Variants in ZCCHC14 observed in about 807,000 individuals in gnomAD.
ZCCHC14 encodes the protein zinc finger CCHC-type containing 14, also known as zinc finger CCHC domain-containing protein 14.
In ZCCHC14, 16 loss-of-function variants were observed where a neutral mutation model predicts 85.0. The ratio of observed to expected loss-of-function variants is 0.19; its 90% CI spans 0.13 to 0.29. The LOEUF (loss-of-function observed/expected upper bound fraction) is 0.29, where lower values mean the gene tolerates loss of function less well. ZCCHC14 is among the 10% of genes least tolerant of loss of function. ZCCHC14 has a pLI of 1.00. For missense variants in ZCCHC14, 1,303 were observed against 1,443.5 expected, an observed-to-expected ratio of 0.90 and a Z score of 1.58; for synonymous variants, 775 against 630.7, an observed-to-expected ratio of 1.23 and a Z score of -3.43.
In ZCCHC14 at chr16:87,415,210, C is replaced by T. The variant is rs1158643638; in HGVS notation, c.1475+66G>A. 2.1e-6 allele frequency: 3 copies of T among 1,455,870 alleles called. No individual in the cohort carries two copies. In the Admixed American group the frequency reaches 5.1e-5, roughly 25 times the overall value. The allele number at this position is 1,455,870 out of a possible 1,614,324, so 90.2% of individuals were successfully genotyped here. The stretch of plus-strand genomic sequence containing the variant: ...CACTAGTATTTAGCACTGGAAGCCT[C>T]AGCACTCCATTCGGCACACGAGAAA... On this transcript the variant is annotated intron_variant, in intron 9 of 12. Coordinates refer to ENST00000671377, the MANE Select transcript of ZCCHC14 (RefSeq NM_015144.3).
chr16:87,482,732 G>A (rs1283156829), intron 1 of ZCCHC14, among the ~76,000 whole-genome samples: 2 of 152,180 alleles, frequency 1.3e-5, no homozygotes, highest in East Asian at 3.9e-4. Context: ...GATCTGGGAG[G>A]GAGAGCAGAG....
intron 2 of ZCCHC14, among the ~76,000 whole-genome samples, chr16:87,449,715 G>C (rs1910605033): frequency 6.6e-6 from 1 of 152,144 alleles, no homozygotes; most frequent in African/African-American, 2.4e-5. Context: ...ACAGTAAAGG[G>C]AATATTATTT....
At chr16:87,416,021 G>A (rs921805865) in intron 8 of ZCCHC14, among the ~76,000 whole-genome samples, 3 of 152,080 alleles carry the variant, frequency 2.0e-5, no homozygotes, top group Admixed American at 6.5e-5. Context: ...CCACCTCCCG[G>A]GTTCAAGTAA....
intron 2 of ZCCHC14, among the ~76,000 whole-genome samples, chr16:87,444,538 A>G (rs1910340305): frequency 6.6e-6 from 1 of 152,250 alleles, no homozygotes; most frequent in Non-Finnish European, 1.5e-5. Context: ...AGATAGCATG[A>G]AAATTAATAT....
At chr16:87,433,028 G>C in intron 3 of ZCCHC14, 100 bp downstream of exon 3, 1 of 1,210,212 alleles carries the variant, frequency 8.3e-7, no homozygotes, top group South Asian at 1.3e-5. Context: ...ACGGGGCTTT[G>C]CACAAGGCAC....
intron 2 of ZCCHC14, among the ~76,000 whole-genome samples, chr16:87,453,405 T>C (rs910683525): frequency 1.3e-5 from 2 of 151,946 alleles, no homozygotes; most frequent in African/African-American, 4.8e-5. Context: ...CATGGGAGGG[T>C]GCGGGTTTGT....
rs762639837 is a variant in ZCCHC14, at chr16:87,411,780, C to T, written c.2941G>A (p.Gly981Ser). The T allele has an allele frequency of 6.2e-6, 10 of 1,610,788 alleles. No individual in the cohort carries two copies. Among genetic ancestry groups the T allele is most frequent in the Non-Finnish European group, 7.6e-6 (9 of 1,178,420 alleles). ...GCGTGCACGACGGGGAAGGTGGAGC[C>T]GCCGCCGTACTGCTGGGCGCTGACG... ...GYVSAQQYGGGSTFPVVHAPY... is the reference protein window; with the variant it reads ...GYVSAQQYGGSSTFPVVHAPY... Residue 981 changes from glycine (G) to serine (S), a missense_variant, in exon 12 of 13, where the codon GGC (glycine) becomes AGC (serine). Gly to Ser is a moderately conservative substitution (Grantham distance 56). Around this residue, in one of 7 missense-constraint regions of ZCCHC14, gnomAD observed 797 missense variants for 730.8 expected, o/e 1.09. Transcript: ENST00000671377.
Position 87,460,042 on chromosome 16 carries a change from C to T in ZCCHC14, c.660G>A (p.Ser220=), listed in dbSNP as rs140465276. Residue 220 remains serine, a synonymous_variant, in exon 2 of 13, where the codon TCG becomes TCA. Coordinates refer to ENST00000671377, the MANE Select transcript of ZCCHC14 (RefSeq NM_015144.3). ...LHTSAHSTEE[S]LPKRPLGKHS... is the part of the protein sequence containing the mutation. ...GTTTTCCTAAGGGCCTCTTGGGCAGCGACTCCTCCGTGGAATGTGCTGATG... is the reference window on the plus strand; with the variant it reads ...GTTTTCCTAAGGGCCTCTTGGGCAGTGACTCCTCCGTGGAATGTGCTGATG... 4,313 of 1,614,092 alleles carry T rather than the reference C, an allele frequency of 2.7e-3. 9 individuals carry two copies. Among genetic ancestry groups the T allele is most frequent in the Non-Finnish European group, 3.4e-3 (3,994 of 1,179,992 alleles).
intron 1 of ZCCHC14, among the ~76,000 whole-genome samples, chr16:87,462,737 CAAAA>C (rs78208689): frequency 7.0e-6 from 1 of 143,400 alleles, no homozygotes; most frequent in Non-Finnish European, 1.5e-5. Context: ...CTCTATCTCA[CAAAA>C]AAAAAAAAAA....
chr16:87,438,517 A>T (rs1910038846), intron 2 of ZCCHC14, among the ~76,000 whole-genome samples: 1 of 152,164 alleles, frequency 6.6e-6, no homozygotes, highest in African/African-American at 2.4e-5. Flanking sequence ...GCCTCCCAAG[A>T]CCTGAGTTCG....
intron 7 of ZCCHC14, chr16:87,418,074 T>C (rs1908889426): frequency 9.0e-6 from 3 of 332,372 alleles, no homozygotes; most frequent in African/African-American, 2.1e-5. Context: ...TACGTCTCTG[T>C]CCCCACCAGA....
intron 2 of ZCCHC14, among the ~76,000 whole-genome samples, chr16:87,450,164 C>T (rs553937973): frequency 1.3e-5 from 2 of 152,272 alleles, no homozygotes; most frequent in South Asian, 2.1e-4. Flanking sequence ...ACGATCACAC[C>T]GTAGATACTT....
chr16:87,423,101 G>A (rs1909188955), intron 4 of ZCCHC14, among the ~76,000 whole-genome samples: 1 of 152,240 alleles, frequency 6.6e-6, no homozygotes, highest in Non-Finnish European at 1.5e-5. Context: ...AAAGCTGACT[G>A]CCTGAGAGGC....
chr16:87,411,832 G>C lies in ZCCHC14; in HGVS notation c.2889C>G (p.Pro963=), dbSNP rs146011479. Residue 963 remains proline, a synonymous_variant, in exon 12 of 13, where the codon CCC becomes CCG. Transcript: ENST00000671377. ...GPSVFTFPFL[P]FSPMCSSGYV... Reference sequence around the variant, plus strand: ...AGCCGCTGCTGCACATGGGACTGAAGGGCAAGAAGGGGAAGGTGAACACGG... The same window carrying C: ...AGCCGCTGCTGCACATGGGACTGAACGGCAAGAAGGGGAAGGTGAACACGG... 9.1e-5 allele frequency: 146 copies of C among 1,610,728 alleles called. No individual in the cohort carries two copies. In the African/African-American group the frequency reaches 1.8e-3, roughly 20 times the overall value.
At chr16:87,476,473 C>T (rs982282750) in intron 1 of ZCCHC14, among the ~76,000 whole-genome samples, 2 of 151,920 alleles carry the variant, frequency 1.3e-5, no homozygotes, top group South Asian at 2.1e-4. Flanking sequence ...CAGCAAGGAC[C>T]GGGAAGGCAC....
rs1226230081 is a variant in ZCCHC14 at position 87,492,203 on chromosome 16, G to A, written c.36C>T (p.Gly12=). The A allele has an allele frequency of 5.1e-6, 5 of 984,800 alleles. No homozygotes were observed. The African/African-American group carries it at 8.7e-5, about 17-fold the overall frequency. The allele number at this position is 984,800 out of a possible 1,614,324, so 61.0% of individuals were successfully genotyped here. The part of the protein sequence containing the change: ...VEKRCPLQRD[G]VYRWFSELPS... ...GCAGCTCCGAGAACCAGCGGTACACGCCGTCCCTCTGCAGCGGGCAGCGCT... is the reference window on the plus strand; with the variant it reads ...GCAGCTCCGAGAACCAGCGGTACACACCGTCCCTCTGCAGCGGGCAGCGCT... The change falls in exon 1 of 13, where the codon GGC becomes GGT. Residue 12 remains glycine (G), a synonymous_variant. Transcript: ENST00000671377. This position sits in a 1 kb window ranked among gnomAD's most constrained non-coding sequence, Gnocchi z 6.7.
intron 3 of ZCCHC14, among the ~76,000 whole-genome samples, chr16:87,426,801 C>CT (rs1262988667): frequency 3.9e-5 from 6 of 152,292 alleles, no homozygotes; most frequent in African/African-American, 1.2e-4. Flanking sequence ...AGCGTGGACT[C>CT]TAAGAAAACT....
Position 87,414,945 on chromosome 16 carries a change from G to T in ZCCHC14, c.1475+331C>A, listed in dbSNP as rs376193431. Among the ~76,000 whole-genome samples, 6 of 152,336 alleles carry T rather than the reference G, an allele frequency of 3.9e-5. No individual in the cohort carries two copies. In the East Asian group the frequency reaches 7.7e-4, roughly 20 times the overall value. On this transcript the variant is annotated intron_variant, in intron 9 of 12. Transcript: ENST00000671377. ...AAAATACAAAAAATTAGCCAGGCGT[G>T]GTGGCGGGTGCCTGTAATCCCAGGT...
intron 1 of ZCCHC14, among the ~76,000 whole-genome samples, chr16:87,475,369 T>A (rs1177423358): frequency 2.6e-5 from 4 of 151,898 alleles, no homozygotes; most frequent in African/African-American, 4.8e-5. Flanking sequence ...CTGGCCAACA[T>A]GGCAAAACCC....
Sources: allele counts gnomAD v4.1 joint callset (sites outside exome capture counted in the v4.1 genomes callset), GRCh38; gene constraint gnomAD v4.1.1; regional missense constraint gnomAD v4.1.1; non-coding constraint Gnocchi (gnomAD v3.1); transcripts MANE v1.5; gene names NCBI Gene and HGNC (gene_info 2026-07-23, HGNC 2026-07-21).